SLC22A9: variants seen among roughly 807,000 people sequenced by gnomAD.
The protein encoded by SLC22A9 is solute carrier family 22 member 9, also known as organic anion transporter 7.
SLC22A9 carries 64 observed loss-of-function variants against 50.1 expected under a neutral mutation model. The ratio of observed to expected loss-of-function variants is 1.28; its 90% CI spans 1.04 to 1.57. The LOEUF (loss-of-function observed/expected upper bound fraction) is 1.57. Ranked by LOEUF, SLC22A9 falls within the 40% of genes most tolerant of loss-of-function variation. The pLI is 0.00. For missense variants in SLC22A9, 757 were observed against 676.1 expected, an observed-to-expected ratio of 1.12 and a Z score of -1.33; for synonymous variants, 261 against 242.5, an observed-to-expected ratio of 1.08 and a Z score of -0.71.
At chr11:63,408,610 G>T in intron 8 of SLC22A9, 66 bp from the exon 9 acceptor site, 1 of 1,444,058 alleles carries the variant, frequency 6.9e-7, no homozygotes, top group Non-Finnish European at 9.6e-7. Context: ...AGAGCAAAAT[G>T]ATAAATCACA....
chr11:63,379,040 A>G (rs186646011), intron 5 of SLC22A9, among the ~76,000 whole-genome samples: 1 of 152,290 alleles, frequency 6.6e-6, no homozygotes, highest in African/African-American at 2.4e-5. Flanking sequence ...ATGGAACAAA[A>G]AAAAAGAGTT....
At chr11:63,406,086 T>C (rs953805484) in intron 6 of SLC22A9, among the ~76,000 whole-genome samples, 3 of 152,206 alleles carry the variant, frequency 2.0e-5, no homozygotes, top group Non-Finnish European at 4.4e-5. Context: ...GGTGGCAGCA[T>C]TTTCAAATGG....
In SLC22A9 at chr11:63,389,980, T is replaced by A. The variant is rs540322826; in HGVS notation, c.1073+7703T>A. ...TTTGCTGGCCACATAAATGTTGTCTTTTGAGAAGCGTCTGTTGATATCCTT... is the reference window on the plus strand; with the variant it reads ...TTTGCTGGCCACATAAATGTTGTCTATTGAGAAGCGTCTGTTGATATCCTT... On this transcript the variant is annotated intron_variant, in intron 6 of 9. Coordinates refer to ENST00000279178, the MANE Select transcript of SLC22A9 (RefSeq NM_080866.3). 3.5e-3 allele frequency among the ~76,000 whole-genome samples: 530 copies of A among 152,334 alleles called. 5 individuals are homozygous for A. Among genetic ancestry groups the A allele is most frequent in the African/African-American group, 0.012 (502 of 41,566 alleles).
intron 6 of SLC22A9, among the ~76,000 whole-genome samples, chr11:63,392,030 C>A (rs1242440026): frequency 6.6e-6 from 1 of 151,888 alleles, no homozygotes; most frequent in Non-Finnish European, 1.5e-5. Context: ...ATATCTTTAA[C>A]CCATAATTTT....
chr11:63,372,430 G>A (rs927743380), intron 2 of SLC22A9, among the ~76,000 whole-genome samples: 1 of 152,090 alleles, frequency 6.6e-6, no homozygotes, highest in Admixed American at 6.6e-5. Context: ...GCAATAAGGT[G>A]AATTAACATC....
At chr11:63,407,428 C>G (rs1009720336) in intron 7 of SLC22A9, among the ~76,000 whole-genome samples, 1 of 152,102 alleles carries the variant, frequency 6.6e-6, no homozygotes, top group East Asian at 1.9e-4. Flanking sequence ...CTCCACTCCC[C>G]CTCTTGAATG....
chr11:63,397,554 T>C (rs1056291705), intron 6 of SLC22A9, among the ~76,000 whole-genome samples: 3 of 152,136 alleles, frequency 2.0e-5, no homozygotes, highest in Non-Finnish European at 4.4e-5. Context: ...ATCTATCTGG[T>C]GTTTTATTCT....
rs1432108985 is a variant in SLC22A9 at position 63,374,477 on chromosome 11, T to C, written c.830+415T>C. On this transcript the variant is annotated intron_variant, in intron 4 of 9. Coordinates refer to ENST00000279178, the MANE Select transcript of SLC22A9 (RefSeq NM_080866.3). ...TATGTCCAAAATATTGCATGAGACA[T>C]GCTTATACTAAAACATTTTCCTGCT... 2.6e-5 allele frequency among the ~76,000 whole-genome samples: 4 copies of C among 152,170 alleles called. No homozygotes were observed. In the East Asian group the frequency reaches 7.7e-4, roughly 29 times the overall value.
chr11:63,408,855 A>G lies in SLC22A9; in HGVS notation c.1577A>G (p.Asp526Gly). 3 of 1,613,860 alleles carry G rather than the reference A, an allele frequency of 1.9e-6. No homozygotes were observed. The highest frequency in any genetic ancestry group is 2.5e-6 in the Non-Finnish European group (3 of 1,179,876). ...LPETRNKPLF[D>G]TIQDEKNERK... ...GAAACCAGGAACAAGCCTCTGTTTG[A>G]CACCATCCAGGATGAGAAAAATGAG... The change falls in exon 9 of 10, where the codon GAC (aspartate) becomes GGC (glycine). Residue 526 changes from aspartate (D) to glycine (G), a missense_variant. Transcript: ENST00000279178.
At chr11:63,392,382 A>G (rs574565691) in intron 6 of SLC22A9, among the ~76,000 whole-genome samples, 51 of 151,992 alleles carry the variant, frequency 3.4e-4, no homozygotes, top group Non-Finnish European at 6.5e-4. Context: ...TCTCTTTGAC[A>G]TTTCTTGTAG....
chr11:63,370,294 G>T lies in SLC22A9; in HGVS notation c.238G>T (p.Asp80Tyr). ...ACTCTTGAGAATCTCCATCCCACTG[G>T]ACTCAAACATGAGGCCAGAGAAGTG... ...DALLRISIPL[D>Y]SNMRPEKCRR... is the part of the protein sequence containing the mutation. The change falls in exon 1 of 10, where the codon GAC (aspartate) becomes TAC (tyrosine). Residue 80 changes from aspartate (D) to tyrosine (Y), a missense_variant. Transcript: ENST00000279178. The T allele has an allele frequency of 1.2e-6, 2 of 1,614,010 alleles. No individual in the cohort carries two copies. Among genetic ancestry groups the T allele is most frequent in the South Asian group, 2.2e-5 (2 of 91,076 alleles).
In SLC22A9 at chr11:63,409,804, G is replaced by T. The variant is rs186905562; in HGVS notation, c.1604G>T (p.Arg535Ile). Residue 535 changes from arginine (R) to isoleucine (I), a missense_variant and splice_region_variant, in exon 10 of 10, where the codon AGA becomes ATA. Transcript: ENST00000279178. ...FDTIQDEKNE[R>I]KDPREPKQED... ...TGGTTTCTTTGTATTTGTTCTAGGA[G>T]AAAAGACCCCAGAGAACCAAAGCAA... 2 of 1,613,388 alleles carry T rather than the reference G, an allele frequency of 1.2e-6. No homozygotes were observed. The highest frequency in any genetic ancestry group is 1.3e-5 in the African/African-American group (1 of 74,960).
Position 63,373,987 on chromosome 11 carries a change from C to T in SLC22A9, c.755C>T (p.Ala252Val), listed in dbSNP as rs1233303421. The T allele has an allele frequency of 6.2e-7, 1 of 1,613,488 alleles. No individual in the cohort carries two copies. Among genetic ancestry groups the T allele is most frequent in the East Asian group, 2.2e-5 (1 of 44,876 alleles). Residue 252 changes from alanine to valine, a missense_variant, in exon 4 of 10, where the codon GCT (alanine) becomes GTT (valine). By Grantham distance (64) the Ala-to-Val change is moderately conservative (BLOSUM62 0). Transcript: ENST00000279178. ...GIAFMTLAGL[A>V]FAIRDWHILQ... Reference sequence around the variant, plus strand: ...GCATTTATGACCCTGGCAGGCCTGGCTTTTGCCATTCGAGACTGGCATATC... The same window carrying T: ...GCATTTATGACCCTGGCAGGCCTGGTTTTTGCCATTCGAGACTGGCATATC...
intron 1 of SLC22A9, 48 bp downstream of exon 1, chr11:63,370,506 G>A (rs1453084847): frequency 2.0e-6 from 3 of 1,511,380 alleles, no homozygotes; most frequent in African/African-American, 1.4e-5. Flanking sequence ...TGGGTGTTTA[G>A]AATAACACAA....
chr11:63,399,244 A>G (rs2014912988), intron 6 of SLC22A9, among the ~76,000 whole-genome samples: 1 of 152,182 alleles, frequency 6.6e-6, no homozygotes, highest in Non-Finnish European at 1.5e-5. Flanking sequence ...TCTCCAATTA[A>G]AAGACATGAA....
chr11:63,410,054 C>T lies in SLC22A9; in HGVS notation c.*192C>T. ...AGAAGATAAAGACCACCCTGGCCAACATGGTGAAACCCTGTCTCTACTAAA... is the reference window on the plus strand; with the variant it reads ...AGAAGATAAAGACCACCCTGGCCAATATGGTGAAACCCTGTCTCTACTAAA... On this transcript the variant is annotated 3_prime_UTR_variant, in exon 10 of 10. Coordinates refer to ENST00000279178, the MANE Select transcript of SLC22A9 (RefSeq NM_080866.3). 1 of 495,690 alleles carries T rather than the reference C, an allele frequency of 2.0e-6. No individual in the cohort carries two copies. Among genetic ancestry groups the T allele is most frequent in the East Asian group, 3.7e-5 (1 of 26,824 alleles). The allele number at this position is 495,690 out of a possible 1,614,324, so 30.7% of individuals were successfully genotyped here.
Position 63,382,210 on chromosome 11 carries a change from CCTT to C in SLC22A9, c.1009_1011del (p.Ser337del), listed in dbSNP as rs774383799. ...ACTGGAGGCAGCACAAAAAAAAAAA[CCTT>C]CTCTGTGTGAAATGCTCCACATGCC... On this transcript the variant is annotated inframe_deletion, in exon 6 of 10. Transcript: ENST00000279178. 10 of 1,606,454 alleles carry C rather than the reference CCTT, an allele frequency of 6.2e-6. No individual in the cohort carries two copies. Among genetic ancestry groups the C allele is most frequent in the South Asian group, 2.2e-5 (2 of 88,940 alleles).
At chr11:63,404,658 C>A (rs666353) in intron 6 of SLC22A9, among the ~76,000 whole-genome samples, 23 of 152,138 alleles carry the variant, frequency 1.5e-4, no homozygotes, top group African/African-American at 5.6e-4. Context: ...ACAGTGTTCA[C>A]GCAATACTTT....
At chr11:63,386,877 T>C (rs1591019597) in intron 6 of SLC22A9, among the ~76,000 whole-genome samples, 1 of 151,956 alleles carries the variant, frequency 6.6e-6, no homozygotes, top group African/African-American at 2.4e-5. Context: ...TTTTTGTTTT[T>C]TGTATCGCTG....
Sources: gnomAD v4.1 joint callset for allele counts (sites outside exome capture counted in the v4.1 genomes callset) on GRCh38, gnomAD v4.1.1 for gene constraint, MANE v1.5 for transcripts, NCBI Gene and HGNC (gene_info 2026-07-23, HGNC 2026-07-21) for gene names.